ATXN10: variants seen among roughly 807,000 people sequenced by gnomAD.
ATXN10 encodes ataxin-10.
Under a neutral mutation model 52.9 loss-of-function variants are expected in ATXN10, and 28 were observed. That is an observed-to-expected ratio of 0.53 (90% CI 0.39 to 0.73). ATXN10 has a LOEUF of 0.73. Among genes scored for constraint, ATXN10 ranks in the 30% least tolerant of loss-of-function variants. ATXN10 has a pLI of 0.00. For missense variants in ATXN10, 565 were observed against 577.0 expected (o/e 0.98, Z 0.21); for synonymous variants, 226 against 221.5 (o/e 1.02, Z -0.18).
chr22:45,775,322 A>G lies in ATXN10; in HGVS notation c.1174-31637A>G, dbSNP rs180837871. Reference sequence around the variant, plus strand: ...TCTGGACCTCAACATAGGGCCTGTTAGCTGAGGTGCACCCTCTCTTAAGTG... The same window carrying G: ...TCTGGACCTCAACATAGGGCCTGTTGGCTGAGGTGCACCCTCTCTTAAGTG... On this transcript the variant is annotated intron_variant, in intron 9 of 11. Coordinates refer to ENST00000252934, the MANE Select transcript of ATXN10 (RefSeq NM_013236.4). The surrounding 1 kb of genome is among the most constrained non-coding windows in gnomAD (Gnocchi z 4.7). 6.6e-6 allele frequency among the ~76,000 whole-genome samples: 1 copy of G among 152,322 alleles called. No homozygotes were observed. The highest frequency in any genetic ancestry group is 1.9e-4 in the East Asian group (1 of 5,180).
rs1416692346 is a variant in ATXN10 at position 45,823,012 on chromosome 22, C to A, written c.1237+15990C>A. The stretch of plus-strand genomic sequence containing the variant: ...ATGTGTTGAAATAGTCTTTCCCATC[C>A]ATCTTTGTTCTTACTTTCCTCATGG... On this transcript the variant is annotated intron_variant, in intron 10 of 11. Transcript: ENST00000252934. The surrounding 1 kb of genome is among the most constrained non-coding windows in gnomAD (Gnocchi z 4.9). The A allele has an allele frequency of 3.6e-6, 1 of 280,182 alleles. No homozygotes were observed. Among genetic ancestry groups the A allele is most frequent in the Non-Finnish European group, 7.4e-6 (1 of 134,962 alleles). 17.4% of individuals were successfully genotyped at this position (280,182 alleles called of 1,614,324 possible).
chr22:45,713,211 A>G lies in ATXN10; in HGVS notation c.648-5202A>G, dbSNP rs753854648. On this transcript the variant is annotated intron_variant, in intron 5 of 11. Coordinates refer to ENST00000252934, the MANE Select transcript of ATXN10 (RefSeq NM_013236.4). ...ACACAGGTGACCTTTACTACCTTCT[A>G]TTTTGTATATCAGTATTGTAATGCA... Among the ~76,000 whole-genome samples the G allele has an allele frequency of 4.1e-4, 63 of 152,024 alleles. 2 individuals are homozygous for G. Among genetic ancestry groups the G allele is most frequent in the Admixed American group, 1.3e-4 (2 of 15,268 alleles).
At chr22:45,686,771 A>G (rs1923156012) in intron 1 of ATXN10, among the ~76,000 whole-genome samples, 1 of 151,070 alleles carries the variant, frequency 6.6e-6, no homozygotes, top group Non-Finnish European at 1.5e-5. Flanking sequence ...GTGAGCTGAG[A>G]TCACGCTACT....
rs5845725 is a variant in ATXN10, at chr22:45,684,137, GTT to G, written c.117-5562_117-5561del. Among the ~76,000 whole-genome samples, 41 of 137,334 alleles carry G rather than the reference GTT, an allele frequency of 3.0e-4. No homozygotes were observed. The highest frequency in any genetic ancestry group is 3.7e-4 in the Admixed American group (5 of 13,664). The allele number at this position is 137,334 out of a possible 152,430, so 90.1% of individuals were successfully genotyped here. ...CCAGCTAATTAAAACAAGTTTTTTTGTTTTTTTTTTTTTTGTAGAGATAGGGT... is the reference window on the plus strand; with the variant it reads ...CCAGCTAATTAAAACAAGTTTTTTTGTTTTTTTTTTTTGTAGAGATAGGGT... On this transcript the variant is annotated intron_variant, in intron 1 of 11. Coordinates refer to ENST00000252934, the MANE Select transcript of ATXN10 (RefSeq NM_013236.4). The surrounding 1 kb of genome is among the most constrained non-coding windows in gnomAD (Gnocchi z 4.1).
rs116576788 is a variant in ATXN10, at chr22:45,786,809, G to A, written c.1174-20150G>A. On this transcript the variant is annotated intron_variant, in intron 9 of 11. Coordinates refer to ENST00000252934, the MANE Select transcript of ATXN10 (RefSeq NM_013236.4). The surrounding 1 kb of genome is among the most constrained non-coding windows in gnomAD (Gnocchi z 4.1). Reference sequence around the variant, plus strand: ...TAAAAGGGAAGCACGGACAGTTCTAGGGGTGGTATGAATTGGGAGAACCCT... The same window carrying A: ...TAAAAGGGAAGCACGGACAGTTCTAAGGGTGGTATGAATTGGGAGAACCCT... 0.012 allele frequency among the ~76,000 whole-genome samples: 1,754 copies of A among 152,318 alleles called. 36 individuals carry two copies. Among genetic ancestry groups the A allele is most frequent in the African/African-American group, 0.04 (1,668 of 41,556 alleles).
chr22:45,816,768 G>C lies in ATXN10; in HGVS notation c.1237+9746G>C, dbSNP rs2043795012. On this transcript the variant is annotated intron_variant, in intron 10 of 11. Transcript: ENST00000252934. This position sits in a 1 kb window ranked among gnomAD's most constrained non-coding sequence, Gnocchi z 5.8. The stretch of plus-strand genomic sequence containing the variant: ...GTTCTGGCTTGCAGAACCTCGTGGA[G>C]TCTTTATTAGTCACATGTGCATTTT... Among the ~76,000 whole-genome samples, 1 of 152,220 alleles carries C rather than the reference G, an allele frequency of 6.6e-6. No homozygotes were observed. Among genetic ancestry groups the C allele is most frequent in the South Asian group, 2.1e-4 (1 of 4,828 alleles).
intron 9 of ATXN10, among the ~76,000 whole-genome samples, chr22:45,803,073 A>G (rs1202030368): frequency 2.6e-5 from 4 of 152,224 alleles, no homozygotes; most frequent in Non-Finnish European, 5.9e-5. Flanking sequence ...AACTACTGCT[A>G]TCACTCCCAG....
intron 7 of ATXN10, chr22:45,734,412 A>G (rs918052757): frequency 2.7e-5 from 7 of 263,764 alleles, no homozygotes; most frequent in African/African-American, 1.1e-4. Context: ...CATACAGTAA[A>G]CTATTGTTTA....
chr22:45,829,856 A>G (rs1235287216), intron 10 of ATXN10, among the ~76,000 whole-genome samples: 1 of 152,212 alleles, frequency 6.6e-6, no homozygotes, highest in Admixed American at 6.5e-5. Context: ...TTTTTTGCAG[A>G]TATAGAAAAA....
In ATXN10 at chr22:45,696,274, AG is replaced by A. The variant is rs1250729605; in HGVS notation, c.391+3199del. Among the ~76,000 whole-genome samples the A allele has an allele frequency of 6.6e-6, 1 of 152,198 alleles. No homozygotes were observed. Among genetic ancestry groups the A allele is most frequent in the African/African-American group, 2.4e-5 (1 of 41,450 alleles). On this transcript the variant is annotated intron_variant, in intron 3 of 11. Transcript: ENST00000252934. This position sits in a 1 kb window ranked among gnomAD's most constrained non-coding sequence, Gnocchi z 4.7. ...TCCGTGTTTCACAGTGTCACTTGGA[AG>A]GGCAGCTATTTTGAGGTCTCTGTGT...
At chr22:45,676,323 C>T (rs1053162113) in intron 1 of ATXN10, 1 of 151,854 alleles carries the variant, frequency 6.6e-6, no homozygotes, top group Admixed American at 6.6e-5. Flanking sequence ...CATGAGGCAT[C>T]TCCAGACCCC....
rs1051910851 is a variant in ATXN10, at chr22:45,708,548, T to C, written c.647+5701T>C. 1.3e-5 allele frequency among the ~76,000 whole-genome samples: 2 copies of C among 152,204 alleles called. No homozygotes were observed. The highest frequency in any genetic ancestry group is 4.8e-5 in the African/African-American group (2 of 41,456). ...GCCTATCCCATTTTTATTAATACCATGTCATGTGTTATGAAAATTACCGAT... is the reference window on the plus strand; with the variant it reads ...GCCTATCCCATTTTTATTAATACCACGTCATGTGTTATGAAAATTACCGAT... On this transcript the variant is annotated intron_variant, in intron 5 of 11. Transcript: ENST00000252934. This position sits in a 1 kb window ranked among gnomAD's most constrained non-coding sequence, Gnocchi z 5.3.
rs1029932175 is a variant in ATXN10, at chr22:45,769,953, A to G, written c.1173+29415A>G. Reference sequence around the variant, plus strand: ...CCACAAGTATTTTGTCACTCTATAAATACAGTTCTAAATAAAGGTTCTCAG... The same window carrying G: ...CCACAAGTATTTTGTCACTCTATAAGTACAGTTCTAAATAAAGGTTCTCAG... On this transcript the variant is annotated intron_variant, in intron 9 of 11. Coordinates refer to ENST00000252934, the MANE Select transcript of ATXN10 (RefSeq NM_013236.4). This position sits in a 1 kb window ranked among gnomAD's most constrained non-coding sequence, Gnocchi z 4.2. Among the ~76,000 whole-genome samples, 2 of 152,240 alleles carry G rather than the reference A, an allele frequency of 1.3e-5. No homozygotes were observed. The highest frequency in any genetic ancestry group is 2.1e-4 in the South Asian group (1 of 4,836).
rs184835204 is a variant in ATXN10, at chr22:45,789,656, C to A, written c.1174-17303C>A. Among the ~76,000 whole-genome samples the A allele has an allele frequency of 2.3e-3, 357 of 152,250 alleles. 3 individuals are homozygous for A. The highest frequency in any genetic ancestry group is 4.3e-3 in the Non-Finnish European group (292 of 68,008). On this transcript the variant is annotated intron_variant, in intron 9 of 11. Coordinates refer to ENST00000252934, the MANE Select transcript of ATXN10 (RefSeq NM_013236.4). This position sits in a 1 kb window ranked among gnomAD's most constrained non-coding sequence, Gnocchi z 4.0. ...AAGAAGAGAGGGAGAGCCTTCTAAC[C>A]CATCCAGCCCCTTTGTGGTGGTGGT...
intron 9 of ATXN10, among the ~76,000 whole-genome samples, chr22:45,794,630 C>G (rs908113681): frequency 2.0e-5 from 3 of 152,094 alleles, no homozygotes; most frequent in African/African-American, 4.8e-5. Context: ...TGATAACAGG[C>G]TTTCCTTCAG....
rs28447301 is a variant in ATXN10 at position 45,820,071 on chromosome 22, A to G, written c.1237+13049A>G. On this transcript the variant is annotated intron_variant, in intron 10 of 11. Transcript: ENST00000252934. The surrounding 1 kb of genome is among the most constrained non-coding windows in gnomAD (Gnocchi z 4.9). The stretch of plus-strand genomic sequence containing the variant: ...AACTCCTGGGCTGTTTTATTTTGAG[A>G]TGATCATTTCTATCAGGATCAGGAA... 7.9e-5 allele frequency among the ~76,000 whole-genome samples: 12 copies of G among 152,314 alleles called. No homozygotes were observed. Among genetic ancestry groups the G allele is most frequent in the Middle Eastern group, 3.4e-3 (1 of 294 alleles).
At chr22:45,736,331 A>G (rs989938383) in intron 7 of ATXN10, among the ~76,000 whole-genome samples, 1 of 152,240 alleles carries the variant, frequency 6.6e-6, no homozygotes, top group Non-Finnish European at 1.5e-5. Flanking sequence ...CTAAAAGATA[A>G]GGAGTTTTCA....
chr22:45,737,715 T>C (rs146658901), intron 7 of ATXN10, among the ~76,000 whole-genome samples: 2,732 of 148,930 alleles, frequency 0.018, 58 homozygotes, highest in African/African-American at 0.065. Flanking sequence ...TTTTTTTTGT[T>C]TGAGGCAGAG....
intron 3 of ATXN10, 68 bp from the exon 4 acceptor site, chr22:45,700,211 TTTC>T: frequency 9.1e-7 from 1 of 1,098,384 alleles, no homozygotes; most frequent in South Asian, 1.5e-5. Context: ...ATGGAGAATA[TTTC>T]TTAAGATGCA....
Sources: gnomAD v4.1 joint callset for allele counts (sites outside exome capture counted in the v4.1 genomes callset) on GRCh38, gnomAD v4.1.1 for gene constraint, Gnocchi (gnomAD v3.1) non-coding constraint, MANE v1.5 for transcripts, NCBI Gene and HGNC (gene_info 2026-07-23, HGNC 2026-07-21) for gene names.